The following TARDBP variants were observed in gnomAD, a reference collection of about 807,000 sequenced individuals.
TARDBP encodes TAR DNA binding protein, also known as TAR DNA-binding protein 43.
A neutral mutation model predicts 38.3 loss-of-function variants in TARDBP; 4 were observed. The observed-to-expected ratio is 0.10, with a 90% confidence interval of 0.05 to 0.24. The LOEUF is 0.24. Among genes scored for constraint, TARDBP ranks in the 10% least tolerant of loss-of-function variants. The probability of loss-of-function intolerance (pLI) is 1.00; values close to 1 mark genes in which losing one functional copy is unlikely to be tolerated. For synonymous variants in TARDBP, 184 were observed against 183.8 expected (o/e 1.00, Z -0.01); for missense variants, 202 against 521.9 (o/e 0.39, Z 5.97).
chr1:11,019,583 G>A (rs1356026812), intron 4 of TARDBP, among the ~76,000 whole-genome samples: 1 of 150,042 alleles, frequency 6.7e-6, no homozygotes, highest in Non-Finnish European at 1.5e-5. Flanking sequence ...TTTTTTTTTT[G>A]AGAGAGAGAG....
chr1:11,013,537 A>T (rs2100837827), intron 1 of TARDBP, among the ~76,000 whole-genome samples, 179 bp from the exon 2 acceptor site: 1 of 152,280 alleles, frequency 6.6e-6, no homozygotes, highest in Middle Eastern at 3.4e-3. Context: ...TCACATTTTG[A>T]TAGGAAATCA....
At chr1:11,017,865 T>C (rs1234079953) in intron 3 of TARDBP, among the ~76,000 whole-genome samples, 3 of 149,682 alleles carry the variant, frequency 2.0e-5, no homozygotes, top group African/African-American at 7.4e-5. Context: ...TTGGCGAACA[T>C]ATCCAGACTC....
chr1:11,021,648 G>A lies in TARDBP; in HGVS notation c.715-476G>A, dbSNP rs1020378862. Among the ~76,000 whole-genome samples, 7 of 152,288 alleles carry A rather than the reference G, an allele frequency of 4.6e-5. No homozygotes were observed. The East Asian group carries it at 1.4e-3, about 29-fold the overall frequency. On this transcript the variant is annotated intron_variant, in intron 5 of 5. Transcript: ENST00000240185. ...GTTGCCCAGGCTGGTGGAACACAGT[G>A]GTGTAATCATAGCTCACTACACCCT...
chr1:11,020,732 C>G lies in TARDBP; in HGVS notation c.714+133C>G, dbSNP rs938915903. On this transcript the variant is annotated intron_variant, in intron 5 of 5. Coordinates refer to ENST00000240185, the MANE Select transcript of TARDBP (RefSeq NM_007375.4). Reference sequence around the variant, plus strand: ...ACCATCCTGGCCAACATGGTGAAACCCCGTCTCTATTAAAATACAAAAAAA... The same window carrying G: ...ACCATCCTGGCCAACATGGTGAAACGCCGTCTCTATTAAAATACAAAAAAA... 4 of 875,548 alleles carry G rather than the reference C, an allele frequency of 4.6e-6. No homozygotes were observed. The African/African-American group carries it at 6.9e-5, about 15-fold the overall frequency. The allele number at this position is 875,548 out of a possible 1,614,324, so 54.2% of individuals were successfully genotyped here.
At chr1:11,018,959 A>G (rs940812929) in intron 4 of TARDBP, 86 bp downstream of exon 4, 4 of 1,588,696 alleles carry the variant, frequency 2.5e-6, no homozygotes, top group Non-Finnish European at 3.5e-6. Flanking sequence ...CTTAGAAAAG[A>G]TAGCGGCAGG....
At chr1:11,016,769 C>G (rs1643533335) in intron 2 of TARDBP, 75 bp from the exon 3 acceptor site, 1 of 1,469,854 alleles carries the variant, frequency 6.8e-7, no homozygotes, top group East Asian at 2.3e-5. Context: ...CTTCTCATTT[C>G]TAGATGTAGG....
intron 1 of TARDBP, among the ~76,000 whole-genome samples, chr1:11,013,090 C>T (rs917182302): frequency 1.4e-4 from 22 of 152,362 alleles, no homozygotes; most frequent in South Asian, 2.1e-4. Context: ...CCGAGAAACT[C>T]CTCCCTCGGC....
chr1:11,030,192 G>A (rs146487307), downstream of TARDBP: 266 of 1,612,702 alleles, frequency 1.6e-4, no homozygotes, highest in Non-Finnish European at 2.2e-4. Flanking sequence ...CACAGACTGG[G>A]AGTGATTTTT....
At position 11,019,357 on chromosome 1, in the gene TARDBP, C is replaced by T. The variant is rs893571737; in HGVS notation, c.543+484C>T. Among the ~76,000 whole-genome samples, 9 of 152,308 alleles carry T rather than the reference C, an allele frequency of 5.9e-5. No homozygotes were observed. The East Asian group carries it at 7.7e-4, about 13-fold the overall frequency. On this transcript the variant is annotated intron_variant, in intron 4 of 5. Coordinates refer to ENST00000240185, the MANE Select transcript of TARDBP (RefSeq NM_007375.4). Reference sequence around the variant, plus strand: ...AAGTTGATCAGTCAGCAGCAGACCTCGTGTACAGCAGTGGTCCCATAGGAT... The same window carrying T: ...AAGTTGATCAGTCAGCAGCAGACCTTGTGTACAGCAGTGGTCCCATAGGAT...
At chr1:11,030,414 A>G, downstream of TARDBP, 3 of 603,802 alleles carry the variant, frequency 5.0e-6, no homozygotes, top group East Asian at 5.7e-5. Flanking sequence ...TCTCTGCATT[A>G]CCATGTTTGC....
chr1:11,018,980 G>T, intron 4 of TARDBP, 107 bp downstream of exon 4: 2 of 1,523,584 alleles, frequency 1.3e-6, no homozygotes, highest in South Asian at 2.3e-5. Flanking sequence ...GTGTGTTCAT[G>T]AAATCCTTTT....
At chr1:11,020,003 A>T (rs1643605795) in intron 4 of TARDBP, among the ~76,000 whole-genome samples, 1 of 151,680 alleles carries the variant, frequency 6.6e-6, no homozygotes, top group African/African-American at 2.4e-5. Flanking sequence ...TGCTGGGATT[A>T]CAGGTGCCTG....
intron 5 of TARDBP, among the ~76,000 whole-genome samples, chr1:11,021,230 A>G (rs1046920279): frequency 2.0e-5 from 3 of 151,196 alleles, no homozygotes; most frequent in Admixed American, 6.6e-5. Flanking sequence ...CCTCCACCTC[A>G]TGGGTTCAAG....
downstream of TARDBP, among the ~76,000 whole-genome samples, chr1:11,029,395 G>A (rs189362297): frequency 2.9e-4 from 43 of 149,988 alleles, no homozygotes; most frequent in African/African-American, 9.5e-4. Flanking sequence ...GCGAGATTCC[G>A]TCTCAAAAAA....
intron 1 of TARDBP, among the ~76,000 whole-genome samples, chr1:11,013,236 C>T (rs527655485): frequency 1.3e-5 from 2 of 152,374 alleles, no homozygotes; most frequent in East Asian, 1.9e-4. Flanking sequence ...CTGTTCTTTA[C>T]ACCTGGTTCA....
downstream of TARDBP, chr1:11,027,642 C>A: frequency 6.3e-7 from 1 of 1,595,520 alleles, no homozygotes. Context: ...GGCTGATAGT[C>A]CACAAACTGG....
chr1:11,030,108 C>G (rs1194992566), downstream of TARDBP: 3 of 1,154,308 alleles, frequency 2.6e-6, no homozygotes, highest in African/African-American at 4.6e-5. Context: ...CTAAAGCTCT[C>G]CTCACTGTCT....
intron 1 of TARDBP, among the ~76,000 whole-genome samples, chr1:11,013,153 C>T (rs576066340): frequency 7.2e-5 from 11 of 152,362 alleles, no homozygotes; most frequent in African/African-American, 2.6e-4. Flanking sequence ...GGACCTGTCG[C>T]CGCGGGCCTT....
intron 4 of TARDBP, among the ~76,000 whole-genome samples, chr1:11,020,174 G>A (rs1031756539): frequency 2.0e-5 from 3 of 152,108 alleles, no homozygotes; most frequent in African/African-American, 7.2e-5. Context: ...TGATGAAATT[G>A]TGTAATGGCT....
Sources: allele counts gnomAD v4.1 joint callset (sites outside exome capture counted in the v4.1 genomes callset), GRCh38; gene constraint gnomAD v4.1.1; transcripts MANE v1.5; gene names NCBI Gene and HGNC (gene_info 2026-07-23, HGNC 2026-07-21).